The following L3MBTL4 variants were observed in gnomAD, a reference collection of about 807,000 sequenced individuals.
L3MBTL4 encodes the protein L3MBTL histone methyl-lysine binding protein 4, also known as lethal(3)malignant brain tumor-like protein 4.
L3MBTL4 carries 70 observed loss-of-function variants against 84.5 expected under a neutral mutation model. The observed-to-expected ratio is 0.83, with a 90% confidence interval of 0.68 to 1.01. The LOEUF is 1.01. L3MBTL4 is among the 50% of genes least tolerant of loss of function. The pLI, the probability that L3MBTL4 is intolerant of heterozygous loss-of-function variation, is 0.00. For synonymous variants in L3MBTL4, 274 were observed against 259.8 expected (o/e 1.05, Z -0.52); for missense variants, 715 against 754.8 (o/e 0.95, Z 0.62).
intron 10 of L3MBTL4, among the ~76,000 whole-genome samples, chr18:6,233,704 G>A (rs2047092249): frequency 6.6e-6 from 1 of 152,174 alleles, no homozygotes; most frequent in Middle Eastern, 3.4e-3. Flanking sequence ...ATGCTCATGG[G>A]TAGGAAGAAT....
intron 13 of L3MBTL4, among the ~76,000 whole-genome samples, chr18:6,169,391 G>A (rs1249494651): frequency 6.6e-6 from 1 of 152,116 alleles, no homozygotes; most frequent in Non-Finnish European, 1.5e-5. Context: ...TATGTTTATT[G>A]CGGCACTATT....
chr18:6,365,508 C>T (rs76762036), intron 1 of L3MBTL4, among the ~76,000 whole-genome samples: 16 of 152,278 alleles, frequency 1.1e-4, no homozygotes, highest in Admixed American at 8.5e-4. Flanking sequence ...TATTTGAAAA[C>T]AGACATTTTA....
intron 12 of L3MBTL4, among the ~76,000 whole-genome samples, chr18:6,173,820 C>T (rs1450030397): frequency 6.6e-6 from 1 of 152,116 alleles, no homozygotes; most frequent in African/African-American, 2.4e-5. Context: ...AGGTTATTCA[C>T]AAGACCTTGA....
intron 1 of L3MBTL4, among the ~76,000 whole-genome samples, chr18:6,319,752 G>C (rs2051307588): frequency 6.6e-6 from 1 of 152,134 alleles, no homozygotes; most frequent in Non-Finnish European, 1.5e-5. Flanking sequence ...GACTGAGAAA[G>C]AGGAAATCCT....
intron 16 of L3MBTL4, among the ~76,000 whole-genome samples, chr18:5,981,405 A>C (rs1487052280): frequency 6.6e-6 from 1 of 152,216 alleles, no homozygotes; most frequent in Admixed American, 6.5e-5. Context: ...TTTAAAAATT[A>C]TTAGAATTAT....
chr18:6,082,909 A>G (rs182180956), intron 15 of L3MBTL4, among the ~76,000 whole-genome samples: 87 of 152,312 alleles, frequency 5.7e-4, no homozygotes, highest in Admixed American at 4.6e-3. Context: ...CCCAGGAGGT[A>G]GGTACATACT....
In L3MBTL4 at chr18:6,038,506, G is replaced by A. The variant is rs144771990; in HGVS notation, c.1444+42375C>T. Among the ~76,000 whole-genome samples the A allele has an allele frequency of 3.2e-4, 48 of 151,876 alleles. 1 individual carries two copies. In the East Asian group the frequency reaches 8.4e-3, roughly 26 times the overall value. ...CCTGACCTCATGATCCTCCTGCCTC[G>A]GCCTCCCAAAGTGCTGGGATTACAG... On this transcript the variant is annotated intron_variant, in intron 16 of 18. Coordinates refer to ENST00000317931, the MANE Select transcript of L3MBTL4 (RefSeq NM_001330559.2).
chr18:6,024,258 T>C (rs1412122942), intron 16 of L3MBTL4, among the ~76,000 whole-genome samples: 2 of 152,226 alleles, frequency 1.3e-5, no homozygotes, highest in South Asian at 2.1e-4. Flanking sequence ...TGGTCATCGA[T>C]TGGAATTTCT....
At chr18:6,290,128 C>T (rs2049787036) in intron 4 of L3MBTL4, among the ~76,000 whole-genome samples, 1 of 152,088 alleles carries the variant, frequency 6.6e-6, no homozygotes. Context: ...CACTAGGTTG[C>T]CCAGGCTGAT....
chr18:6,292,566 A>G (rs1003524946), intron 4 of L3MBTL4, among the ~76,000 whole-genome samples: 6 of 152,076 alleles, frequency 3.9e-5, no homozygotes, highest in African/African-American at 1.4e-4. Context: ...CCTTCCCCCT[A>G]TTGTAGGACA....
chr18:6,362,193 A>G (rs56978695), intron 1 of L3MBTL4, among the ~76,000 whole-genome samples: 11,598 of 102,542 alleles, frequency 0.11, 1,006 homozygotes, highest in East Asian at 0.25. Flanking sequence ...GGAAGGAAGG[A>G]AGGGAGGGAG....
At chr18:6,370,092 C>A (rs2054094419) in intron 1 of L3MBTL4, among the ~76,000 whole-genome samples, 1 of 148,288 alleles carries the variant, frequency 6.7e-6, no homozygotes. Flanking sequence ...AGAGATCATG[C>A]CACTGCACTC....
At chr18:6,049,667 C>T (rs529191833) in intron 16 of L3MBTL4, among the ~76,000 whole-genome samples, 6 of 152,032 alleles carry the variant, frequency 3.9e-5, no homozygotes, top group Admixed American at 6.6e-5. Context: ...TTAAATATCA[C>T]GTACTCATGG....
intron 1 of L3MBTL4, among the ~76,000 whole-genome samples, chr18:6,313,097 T>C (rs1292749864): frequency 2.6e-5 from 4 of 152,208 alleles, no homozygotes; most frequent in Admixed American, 6.5e-5. Flanking sequence ...ATACCTTTAT[T>C]GTAGTTTTTG....
intron 12 of L3MBTL4, among the ~76,000 whole-genome samples, chr18:6,177,214 C>T (rs1354247370): frequency 6.6e-6 from 1 of 152,208 alleles, no homozygotes; most frequent in Non-Finnish European, 1.5e-5. Flanking sequence ...CTGAAAACAA[C>T]CCAAATGCCC....
At chr18:5,969,679 A>T (rs1165345683) in intron 16 of L3MBTL4, 117 bp from the exon 17 acceptor site, 27 of 949,114 alleles carry the variant, frequency 2.8e-5, no homozygotes, top group Non-Finnish European at 3.2e-5. Context: ...CACCACCAGA[A>T]CCCGCGTCTT....
chr18:6,243,465 G>C, intron 6 of L3MBTL4, 36 bp from the exon 7 acceptor site: 2 of 1,533,174 alleles, frequency 1.3e-6, no homozygotes, highest in Middle Eastern at 1.7e-4. Flanking sequence ...TTCGTTAAGT[G>C]TCATATATTT....
chr18:6,098,054 T>C (rs994915711), intron 14 of L3MBTL4, among the ~76,000 whole-genome samples: 12 of 152,196 alleles, frequency 7.9e-5, no homozygotes, highest in Non-Finnish European at 1.5e-4. Context: ...GTGATTACTG[T>C]TGCCAAACCC....
intron 1 of L3MBTL4, among the ~76,000 whole-genome samples, chr18:6,318,493 G>GAAAAAAAAA (rs1568484410): frequency 1.4e-3 from 4 of 2,840 alleles, no homozygotes; most frequent in East Asian, 0.01. Context: ...AACAACAATA[G>GAAAAAAAAA]TAAAAAAAAA....
Sources: gnomAD v4.1 joint callset for allele counts (sites outside exome capture counted in the v4.1 genomes callset) on GRCh38, gnomAD v4.1.1 for gene constraint, MANE v1.5 for transcripts, NCBI Gene and HGNC (gene_info 2026-07-23, HGNC 2026-07-21) for gene names.